The following ARSD variants were observed in gnomAD, a reference collection of about 807,000 sequenced individuals.
ARSD encodes the protein arylsulfatase D.
Under a neutral mutation model 32.6 loss-of-function variants are expected in ARSD, and 21 were observed. The observed-to-expected ratio is 0.64, with a 90% CI of 0.46 to 0.93. ARSD has a LOEUF of 0.93. ARSD is among the 40% of genes least tolerant of loss of function. ARSD has a pLI of 0.00. For missense variants in ARSD, 454 were observed against 520.9 expected, an observed-to-expected ratio of 0.87 and a Z score of 1.25; for synonymous variants, 224 against 237.4, an observed-to-expected ratio of 0.94 and a Z score of 0.52.
At position 2,905,271 on chromosome X, in the gene ARSD, C is replaced by A. The variant is rs748549673; in HGVS notation, c.*2000G>T. ...CTCACCTAATACCTGGTATTGAACA[C>A]TGCCTTTCTTAGATGTCATTTAGGC... On this transcript the variant is annotated 3_prime_UTR_variant, in exon 10 of 10. Coordinates refer to ENST00000381154, the MANE Select transcript of ARSD (RefSeq NM_001669.4). The A allele has an allele frequency of 6.7e-5, 15 of 224,904 alleles. No homozygotes were observed. The South Asian group carries it at 6.9e-4, about 10-fold the overall frequency. 18.5% of individuals were successfully genotyped at this position (224,904 alleles called of 1,213,427 possible). A position where few individuals can be genotyped will look rare whatever the true frequency, so the allele number is the denominator to read the frequency against.
At chrX:2,924,650 C>T (rs1375824073) in intron 2 of ARSD, among the ~76,000 whole-genome samples, 2 of 112,585 alleles carry the variant, frequency 1.8e-5, no homozygotes, top group Non-Finnish European at 3.8e-5. Context: ...ACGTGCTGAC[C>T]CCCCAAACCT....
intron 6 of ARSD, among the ~76,000 whole-genome samples, chrX:2,912,593 C>T (rs5939397): frequency 9.0e-6 from 1 of 111,043 alleles, no homozygotes. Context: ...TCGGTCGACC[C>T]CAAGATACCA....
chrX:2,907,526 G>A lies in ARSD; in HGVS notation c.1527C>T (p.Thr509=). 1 of 1,189,856 alleles carries A rather than the reference G, an allele frequency of 8.4e-7. No individual in the cohort carries two copies. The highest frequency in any genetic ancestry group is 1.1e-6 in the Non-Finnish European group (1 of 883,730). ...CAAAGAGCAAAGGGGGTCTGTGATG[G>A]GTCACGCCCTCCCCGGAGCATGGGC... ...GVCPCSGEGV[T]HHRPPLLFDL... The change falls in exon 10 of 10, where the codon ACC becomes ACT. Residue 509 remains threonine, a synonymous_variant. Transcript: ENST00000381154.
intron 8 of ARSD, among the ~76,000 whole-genome samples, chrX:2,909,312 T>G (rs2088881207): frequency 9.1e-6 from 1 of 110,201 alleles, no homozygotes; most frequent in Admixed American, 9.7e-5. Flanking sequence ...CTCAGCCCCC[T>G]GAGTAGCTGG....
chrX:2,923,867 G>A (rs1243466676), intron 2 of ARSD, among the ~76,000 whole-genome samples: 1 of 112,169 alleles, frequency 8.9e-6, no homozygotes, highest in Non-Finnish European at 1.9e-5. Context: ...TTCTTTGGGG[G>A]TATGCAAATG....
chrX:2,922,487 CCAGATGGGGAACA>C (rs2089038004), intron 2 of ARSD, among the ~76,000 whole-genome samples: 2 of 109,676 alleles, frequency 1.8e-5, no homozygotes, highest in Admixed American at 9.9e-5. Context: ...ATCTGCTTGT[CCAGATGGGGAACA>C]CAGACAGAAG....
chrX:2,918,262 T>C, intron 4 of ARSD, 35 bp from the exon 5 acceptor site: 1 of 1,107,239 alleles, frequency 9.0e-7, no homozygotes, highest in East Asian at 3.2e-5. Context: ...AGAGACCCGC[T>C]TTGAAGCAGC....
chrX:2,928,402 A>G (rs1293158280), intron 1 of ARSD, among the ~76,000 whole-genome samples: 1 of 84,885 alleles, frequency 1.2e-5, no homozygotes, highest in African/African-American at 4.4e-5. Flanking sequence ...TGGGGGAGTC[A>G]CAGCCGTGCT....
chrX:2,921,535 A>T (rs2089029100), intron 3 of ARSD, among the ~76,000 whole-genome samples: 1 of 111,933 alleles, frequency 8.9e-6, no homozygotes, highest in Non-Finnish European at 1.9e-5. Context: ...GCATGTATCT[A>T]GCTGTCAATT....
intron 1 of ARSD, among the ~76,000 whole-genome samples, chrX:2,928,232 C>T (rs748524747): frequency 9.5e-5 from 10 of 105,820 alleles, no homozygotes; most frequent in African/African-American, 3.5e-4. Flanking sequence ...GGCCAAGGCG[C>T]CGGGGGATGG....
chrX:2,915,178 G>A (rs1482984101), intron 6 of ARSD, among the ~76,000 whole-genome samples: 12 of 109,175 alleles, frequency 1.1e-4, no homozygotes, highest in African/African-American at 4.0e-4. Flanking sequence ...TTTTTGAGAC[G>A]GAGTCTTGAT....
rs918512097 is a variant in ARSD at position 2,904,300 on chromosome X, C to T, written c.*2971G>A. 1.8e-5 allele frequency: 2 copies of T among 111,423 alleles called. No individual in the cohort carries two copies. The highest frequency in any genetic ancestry group is 1.9e-4 in the Admixed American group (2 of 10,382). The allele number at this position is 111,423 out of a possible 1,213,427, so 9.2% of individuals were successfully genotyped here. On this transcript the variant is annotated 3_prime_UTR_variant, in exon 10 of 10. Coordinates refer to ENST00000381154, the MANE Select transcript of ARSD (RefSeq NM_001669.4). Reference sequence around the variant, plus strand: ...AGGGCAGGGAGGGTAGTATCGGCATCACTTTCACTGCATTCTGTTGGTCAA... The same window carrying T: ...AGGGCAGGGAGGGTAGTATCGGCATTACTTTCACTGCATTCTGTTGGTCAA...
chrX:2,913,653 C>T, intron 6 of ARSD: 5 of 995,056 alleles, frequency 5.0e-6, no homozygotes, highest in Non-Finnish European at 6.6e-6. Flanking sequence ...AAGGTGACCT[C>T]TCTGCATTGT....
At chrX:2,925,346 C>T (rs1487584231) in intron 2 of ARSD, among the ~76,000 whole-genome samples, 1 of 112,657 alleles carries the variant, frequency 8.9e-6, no homozygotes, top group East Asian at 2.8e-4. Flanking sequence ...AGAGGGAGCC[C>T]GGCCCTGCCC....
At chrX:2,928,929 C>CCCTCCCTTCCCTT (rs1250764151) in intron 1 of ARSD, among the ~76,000 whole-genome samples, 2 of 112,228 alleles carry the variant, frequency 1.8e-5, no homozygotes, top group Non-Finnish European at 3.8e-5. Context: ...CCTTCCTCCG[C>CCCTCCCTTCCCTT]CCTCCCTTCC....
At chrX:2,916,987 C>T (rs1202448570) in intron 5 of ARSD, among the ~76,000 whole-genome samples, 1 of 105,218 alleles carries the variant, frequency 9.5e-6, no homozygotes, top group East Asian at 3.0e-4. Context: ...AATCCCAGCA[C>T]TTTGGAAGGC....
intron 9 of ARSD, among the ~76,000 whole-genome samples, chrX:2,908,404 T>C (rs2088871779): frequency 9.1e-6 from 1 of 110,301 alleles, no homozygotes; most frequent in South Asian, 3.9e-4. Context: ...CTATCCATTA[T>C]CTATCATCTA....
Position 2,905,387 on chromosome X carries a change from G to C in ARSD, c.*1884C>G, listed in dbSNP as rs766613772. Reference sequence around the variant, plus strand: ...AAGGTCCTCCCATCCCCAGTATTGGGATCTAGGGGCAGGGGGTCCCAGCTG... The same window carrying C: ...AAGGTCCTCCCATCCCCAGTATTGGCATCTAGGGGCAGGGGGTCCCAGCTG... On this transcript the variant is annotated 3_prime_UTR_variant, in exon 10 of 10. Transcript: ENST00000381154. 3.9e-5 allele frequency: 6 copies of C among 152,415 alleles called. No homozygotes were observed. Among genetic ancestry groups the C allele is most frequent in the Non-Finnish European group, 7.5e-5 (6 of 80,201 alleles). The allele number at this position is 152,415 out of a possible 1,213,427, so 12.6% of individuals were successfully genotyped here.
In ARSD at chrX:2,905,149, C is replaced by T; in HGVS notation, c.*2122G>A. 11 of 320,310 alleles carry T rather than the reference C, an allele frequency of 3.4e-5. No homozygotes were observed. Among genetic ancestry groups the T allele is most frequent in the South Asian group, 3.2e-4 (11 of 34,515 alleles). 26.4% of individuals were successfully genotyped at this position (320,310 alleles called of 1,213,427 possible). A position where few individuals can be genotyped will look rare whatever the true frequency, so the allele number is the denominator to read the frequency against. ...TGTGATGATTCTTCTACCTATGACTCTCAGTGCTGTTGCCTCTTCCTCTGG... is the reference window on the plus strand; with the variant it reads ...TGTGATGATTCTTCTACCTATGACTTTCAGTGCTGTTGCCTCTTCCTCTGG... On this transcript the variant is annotated 3_prime_UTR_variant, in exon 10 of 10. Coordinates refer to ENST00000381154, the MANE Select transcript of ARSD (RefSeq NM_001669.4).
Sources: allele counts gnomAD v4.1 joint callset (sites outside exome capture counted in the v4.1 genomes callset), GRCh38; gene constraint gnomAD v4.1.1; transcripts MANE v1.5; gene names NCBI Gene and HGNC (gene_info 2026-07-23, HGNC 2026-07-21).